Variants in NTM observed in about 807,000 individuals in gnomAD.
NTM encodes the protein neurotrimin.
A neutral mutation model predicts 42.1 loss-of-function variants in NTM; 13 were observed. That is an observed-to-expected ratio of 0.31 (90% CI 0.20 to 0.49). NTM has a LOEUF of 0.49. NTM is among the 20% of genes least tolerant of loss of function. The pLI, the probability that NTM is intolerant of heterozygous loss-of-function variation, is 0.99. For missense variants in NTM, 373 were observed against 452.8 expected (o/e 0.82, Z 1.60); for synonymous variants, 187 against 179.2 (o/e 1.04, Z -0.35).
At chr11:131,509,696 G>C (rs2047987801) in intron 1 of NTM, among the ~76,000 whole-genome samples, 2 of 152,208 alleles carry the variant, frequency 1.3e-5, no homozygotes, top group South Asian at 2.1e-4. Context: ...ACACACAACA[G>C]TTTCACCGCA....
intron 1 of NTM, among the ~76,000 whole-genome samples, chr11:131,583,824 T>C (rs1274268739): frequency 3.3e-5 from 5 of 152,194 alleles, no homozygotes; most frequent in Non-Finnish European, 7.3e-5. Context: ...ATGGATTTCT[T>C]CTATTCTTGG....
intron 1 of NTM, among the ~76,000 whole-genome samples, chr11:131,649,970 C>T (rs1338595105): frequency 6.6e-6 from 1 of 152,178 alleles, no homozygotes; most frequent in Admixed American, 6.5e-5. Flanking sequence ...TTTGAGCAGA[C>T]ACGCTTCTTT....
intron 1 of NTM, among the ~76,000 whole-genome samples, chr11:131,618,414 G>A (rs2062170963): frequency 6.6e-6 from 1 of 152,246 alleles, no homozygotes; most frequent in South Asian, 2.1e-4. Context: ...GATGGATACA[G>A]ATGTTGCAAA....
In NTM at chr11:132,159,721, A is replaced by T. The variant is rs140110385; in HGVS notation, c.400+13207A>T. Among the ~76,000 whole-genome samples the T allele has an allele frequency of 3.6e-3, 553 of 152,260 alleles. 4 individuals carry two copies. Among genetic ancestry groups the T allele is most frequent in the African/African-American group, 9.5e-3 (394 of 41,550 alleles). On this transcript the variant is annotated intron_variant, in intron 3 of 8. Transcript: ENST00000683400. ...ATCTCTGGAGGAACTTCCCAGAAAA[A>T]AAAGAAGAGTGGAGACCACTCCACA... is the stretch of plus-strand genomic sequence containing the variant.
At chr11:131,881,898 G>A (rs2137291378) in intron 1 of NTM, among the ~76,000 whole-genome samples, 1 of 152,292 alleles carries the variant, frequency 6.6e-6, no homozygotes, top group East Asian at 1.9e-4. Flanking sequence ...CAGGACAGAA[G>A]GTTGCGGGGC....
chr11:131,561,787 T>C (rs563913905), intron 1 of NTM, among the ~76,000 whole-genome samples: 2 of 152,316 alleles, frequency 1.3e-5, no homozygotes, highest in South Asian at 4.1e-4. Context: ...TCGGCCTTCA[T>C]CATCATCCTT....
At chr11:132,142,071 G>A (rs115356365) in intron 2 of NTM, among the ~76,000 whole-genome samples, 3 of 152,346 alleles carry the variant, frequency 2.0e-5, no homozygotes, top group African/African-American at 2.4e-5. Context: ...TATGTGGCAG[G>A]ATGGGCAGAG....
chr11:132,071,686 T>C (rs2057692960), intron 2 of NTM, among the ~76,000 whole-genome samples: 2 of 152,190 alleles, frequency 1.3e-5, no homozygotes. Context: ...TGAGCTTCAG[T>C]GGGTCATGAA....
chr11:132,146,632 TC>T lies in NTM; in HGVS notation c.400+120del. The T allele has an allele frequency of 9.5e-7, 1 of 1,048,556 alleles. No homozygotes were observed. The highest frequency in any genetic ancestry group is 1.3e-6 in the Non-Finnish European group (1 of 745,074). The allele number at this position is 1,048,556 out of a possible 1,614,324, so 65.0% of individuals were successfully genotyped here. A position where few individuals can be genotyped will look rare whatever the true frequency, so the allele number is the denominator to read the frequency against. On this transcript the variant is annotated intron_variant, in intron 3 of 8. Coordinates refer to ENST00000683400, the MANE Select transcript of NTM (RefSeq NM_001352005.2). This position sits in a 1 kb window ranked among gnomAD's most constrained non-coding sequence, Gnocchi z 4.5. The stretch of plus-strand genomic sequence containing the variant: ...TTATCCTTATTCTACGCATCTGGGG[TC>T]CAGGGCACATTTCTGGTTGTCATTT...
chr11:131,855,182 A>T (rs904545706), intron 1 of NTM, among the ~76,000 whole-genome samples: 3 of 152,182 alleles, frequency 2.0e-5, no homozygotes, highest in Admixed American at 1.3e-4. Flanking sequence ...ATTTAAGCGG[A>T]GGACTTTTTA....
chr11:131,831,352 C>T lies in NTM; in HGVS notation c.83-80212C>T, dbSNP rs558607589. Among the ~76,000 whole-genome samples, 3 of 152,228 alleles carry T rather than the reference C, an allele frequency of 2.0e-5. No individual in the cohort carries two copies. The South Asian group carries it at 6.2e-4, about 32-fold the overall frequency. On this transcript the variant is annotated intron_variant, in intron 1 of 8. Coordinates refer to ENST00000683400, the MANE Select transcript of NTM (RefSeq NM_001352005.2). ...AATCTGATGCATGTTGAAGTCCCAG[C>T]ACAAATAGGAGAAAGGACTAGTATC...
chr11:131,729,869 C>T (rs542681122), intron 1 of NTM, among the ~76,000 whole-genome samples: 2 of 152,218 alleles, frequency 1.3e-5, no homozygotes, highest in South Asian at 4.2e-4. Context: ...AATAGTTCTA[C>T]TTTTTAGCTA....
intron 1 of NTM, among the ~76,000 whole-genome samples, chr11:131,432,836 A>ATTTTTTTTTTTTTTTTTTT (rs1565494754): frequency 1.1e-5 from 1 of 87,390 alleles, no homozygotes; most frequent in Non-Finnish European, 2.3e-5. Context: ...AAGATTTAGC[A>ATTTTTTTTTTTTTTTTTTT]TTCTTTTTTT....
intron 2 of NTM, among the ~76,000 whole-genome samples, chr11:132,006,531 G>A (rs2135372083): frequency 6.6e-6 from 1 of 152,302 alleles, no homozygotes; most frequent in Admixed American, 6.5e-5. Flanking sequence ...TGCAGGACTG[G>A]GAACTTCAGC....
rs1306004302 is a variant in NTM, at chr11:131,522,577, G to A, written c.82+151689G>A. Among the ~76,000 whole-genome samples the A allele has an allele frequency of 2.0e-5, 3 of 152,156 alleles. No individual in the cohort carries two copies. In the East Asian group the frequency reaches 5.8e-4, roughly 29 times the overall value. The stretch of plus-strand genomic sequence containing the variant: ...TCTCCAGGGAAACAGACCTATTTGA[G>A]CTAAAGTAAAACAAGATTAAAGTGT... On this transcript the variant is annotated intron_variant, in intron 1 of 8. Coordinates refer to ENST00000683400, the MANE Select transcript of NTM (RefSeq NM_001352005.2).
chr11:131,806,263 C>T (rs1013894490), intron 1 of NTM, among the ~76,000 whole-genome samples: 3 of 152,148 alleles, frequency 2.0e-5, no homozygotes, highest in South Asian at 2.1e-4. Flanking sequence ...TGTTTATATG[C>T]ACTCAACTGC....
At chr11:132,258,242 A>T (rs1469039114) in intron 4 of NTM, among the ~76,000 whole-genome samples, 1 of 152,144 alleles carries the variant, frequency 6.6e-6, no homozygotes, top group Non-Finnish European at 1.5e-5. Context: ...ACATTTTCTA[A>T]ACTCTGTCCT....
chr11:132,111,783 A>G (rs975136154), intron 2 of NTM, among the ~76,000 whole-genome samples: 1 of 152,254 alleles, frequency 6.6e-6, no homozygotes, highest in African/African-American at 2.4e-5. Flanking sequence ...GTAAAATAGA[A>G]TACGTTTCTT....
At chr11:131,671,562 C>T (rs2070246608) in intron 1 of NTM, 2 of 983,740 alleles carry the variant, frequency 2.0e-6, no homozygotes, top group Non-Finnish European at 2.4e-6. Context: ...CGGTGGCTAC[C>T]CTCACCCTCC....
Sources: allele counts gnomAD v4.1 joint callset (sites outside exome capture counted in the v4.1 genomes callset), GRCh38; gene constraint gnomAD v4.1.1; non-coding constraint Gnocchi (gnomAD v3.1); transcripts MANE v1.5; gene names NCBI Gene and HGNC (gene_info 2026-07-23, HGNC 2026-07-21).